Variants in ACMSD observed in about 807,000 individuals in gnomAD.
ACMSD encodes aminocarboxymuconate semialdehyde decarboxylase, also known as 2-amino-3-carboxymuconate-6-semialdehyde decarboxylase.
A neutral mutation model predicts 45.9 loss-of-function variants in ACMSD; 37 were observed. That is an observed-to-expected ratio of 0.81 (90% CI 0.62 to 1.06). ACMSD has a LOEUF of 1.06. Among genes scored for constraint, ACMSD ranks in the 50% least tolerant of loss-of-function variants. ACMSD has a pLI of 0.00. For synonymous variants in ACMSD, 138 were observed against 148.8 expected (o/e 0.93, Z 0.53); for missense variants, 434 against 420.9 (o/e 1.03, Z -0.27).
rs373043010 is a variant in ACMSD at position 134,863,640 on chromosome 2, C to T, written c.486+9C>T. Reference sequence around the variant, plus strand: ...TCTTTCCTGTCTATGCGGTGAGTAGCGGGGCTGCTCAGCCAACGCCAGCCG... The same window carrying T: ...TCTTTCCTGTCTATGCGGTGAGTAGTGGGGCTGCTCAGCCAACGCCAGCCG... On this transcript the variant is annotated intron_variant, in intron 5 of 9. Transcript: ENST00000356140. 1.2e-5 allele frequency: 20 copies of T among 1,613,008 alleles called. No homozygotes were observed. The highest frequency in any genetic ancestry group is 2.2e-5 in the South Asian group (2 of 91,036).
At chr2:134,901,114 A>C (rs1301069186) in intron 9 of ACMSD, among the ~76,000 whole-genome samples, 2 of 152,206 alleles carry the variant, frequency 1.3e-5, no homozygotes, top group African/African-American at 4.8e-5. Flanking sequence ...AGGACACATT[A>C]ATGGTATGGA....
intron 1 of ACMSD, among the ~76,000 whole-genome samples, chr2:134,840,194 C>CAAAAAAAAAAAAAAAAAAAAACA: frequency 1.5e-5 from 1 of 68,740 alleles, no homozygotes; most frequent in African/African-American, 6.0e-5. Flanking sequence ...AAAAAAAAAA[C>CAAAAAAAAAAAAAAAAAAAAACA]CACTAATTCC....
intron 2 of ACMSD, 24 bp downstream of exon 2, chr2:134,845,301 C>A: frequency 6.2e-7 from 1 of 1,613,994 alleles, no homozygotes; most frequent in Non-Finnish European, 8.5e-7. Flanking sequence ...AAAGTATGAA[C>A]ATCAGTAGCA....
At position 134,901,393 on chromosome 2, in the gene ACMSD, A is replaced by C. The variant is rs902369097; in HGVS notation, c.949-405A>C. Among the ~76,000 whole-genome samples the C allele has an allele frequency of 4.6e-5, 7 of 152,138 alleles. No homozygotes were observed. In the East Asian group the frequency reaches 5.8e-4, roughly 13 times the overall value. On this transcript the variant is annotated intron_variant, in intron 9 of 9. Transcript: ENST00000356140. ...TATTTAGGGCCATGTGAAAACAACA[A>C]CACATATGTCTAGCAGCTGGGGGAT...
chr2:134,866,390 C>G (rs929675901), intron 5 of ACMSD, among the ~76,000 whole-genome samples: 3 of 152,154 alleles, frequency 2.0e-5, no homozygotes, highest in African/African-American at 7.2e-5. Flanking sequence ...GACCATGCAC[C>G]TTTGCCAAAC....
intron 8 of ACMSD, among the ~76,000 whole-genome samples, chr2:134,888,865 A>G (rs1473205037): frequency 1.3e-5 from 2 of 152,158 alleles, no homozygotes; most frequent in African/African-American, 4.8e-5. Context: ...AATGACCAAG[A>G]AGGAGCATGA....
chr2:134,878,181 T>G (rs540721655), intron 8 of ACMSD, among the ~76,000 whole-genome samples: 24 of 152,320 alleles, frequency 1.6e-4, no homozygotes, highest in African/African-American at 5.5e-4. Context: ...ATAGGATACT[T>G]GCTATCCTTT....
intron 6 of ACMSD, among the ~76,000 whole-genome samples, chr2:134,870,744 CA>C (rs1054254193): frequency 3.9e-5 from 6 of 152,170 alleles, no homozygotes; most frequent in Admixed American, 2.0e-4. Flanking sequence ...TCTGGCTCCT[CA>C]ATCTCTCTAG....
chr2:134,860,856 CA>C (rs60233157), intron 3 of ACMSD, among the ~76,000 whole-genome samples: 892 of 72,450 alleles, frequency 0.012, 6 homozygotes, highest in African/African-American at 0.043. Context: ...CCTGTCTCCA[CA>C]AAAAAAAAAA....
At chr2:134,898,602 G>C (rs895235452) in intron 9 of ACMSD, among the ~76,000 whole-genome samples, 163 bp downstream of exon 9, 3 of 151,434 alleles carry the variant, frequency 2.0e-5, no homozygotes, top group Non-Finnish European at 4.4e-5. Flanking sequence ...ACTATTAAAG[G>C]ACAAAAAAAA....
At chr2:134,881,599 A>G (rs1689042777) in intron 8 of ACMSD, among the ~76,000 whole-genome samples, 1 of 152,214 alleles carries the variant, frequency 6.6e-6, no homozygotes, top group African/African-American at 2.4e-5. Flanking sequence ...GTGATCCAAA[A>G]GCACTGAAAA....
chr2:134,845,955 G>T lies in ACMSD; in HGVS notation c.102+678G>T, dbSNP rs562279558. Among the ~76,000 whole-genome samples the T allele has an allele frequency of 2.6e-5, 4 of 152,282 alleles. No individual in the cohort carries two copies. The East Asian group carries it at 7.7e-4, about 29-fold the overall frequency. On this transcript the variant is annotated intron_variant, in intron 2 of 9. Coordinates refer to ENST00000356140, the MANE Select transcript of ACMSD (RefSeq NM_138326.3). ...GACATGACTAATGCAGGCTCTGGAG[G>T]ACTTGTGGTCTGGAAATCTAGTTAA...
chr2:134,885,330 T>G (rs1210658509), intron 8 of ACMSD, among the ~76,000 whole-genome samples: 1 of 108,676 alleles, frequency 9.2e-6, no homozygotes, highest in East Asian at 2.3e-4. Flanking sequence ...AATATATATG[T>G]AAATATATAT....
rs10685496 is a variant in ACMSD, at chr2:134,869,205, C to CATTTATTT, written c.580+1551_580+1558dup. Reference sequence around the variant, plus strand: ...AAAACTCTGATAAGTCCCACAAGCTCATTTATTTATTTATTTATTTATTTA... The same window carrying CATTTATTT: ...AAAACTCTGATAAGTCCCACAAGCTCATTTATTTATTTATTTATTTATTTATTTATTTA... On this transcript the variant is annotated intron_variant, in intron 6 of 9. Transcript: ENST00000356140. Among the ~76,000 whole-genome samples, 1,389 of 149,534 alleles carry CATTTATTT rather than the reference C, an allele frequency of 9.3e-3. 17 individuals are homozygous for CATTTATTT. Among genetic ancestry groups the CATTTATTT allele is most frequent in the South Asian group, 0.04 (184 of 4,648 alleles).
intron 3 of ACMSD, among the ~76,000 whole-genome samples, chr2:134,860,495 A>G (rs1370891720): frequency 2.0e-5 from 3 of 152,208 alleles, no homozygotes; most frequent in Non-Finnish European, 4.4e-5. Flanking sequence ...TTCAACCAGA[A>G]AAGAAACAAT....
chr2:134,848,680 T>C (rs2104823212), intron 2 of ACMSD, among the ~76,000 whole-genome samples: 1 of 152,302 alleles, frequency 6.6e-6, no homozygotes, highest in African/African-American at 2.4e-5. Context: ...TATTAGCCCT[T>C]TGTCAGATGG....
chr2:134,872,695 C>A, intron 8 of ACMSD, 54 bp downstream of exon 8: 1 of 1,590,604 alleles, frequency 6.3e-7, no homozygotes, highest in Non-Finnish European at 8.6e-7. Context: ...GCTGCATCAG[C>A]AACCCATTCT....
chr2:134,839,377 T>A (rs1200476996), intron 1 of ACMSD, among the ~76,000 whole-genome samples: 1 of 152,212 alleles, frequency 6.6e-6, no homozygotes, highest in Non-Finnish European at 1.5e-5. Context: ...TTTGTGTTTC[T>A]CTAAAGATGG....
chr2:134,859,433 T>C (rs1687745293), intron 3 of ACMSD, 76 bp downstream of exon 3: 5 of 1,398,444 alleles, frequency 3.6e-6, no homozygotes, highest in Middle Eastern at 1.8e-4. Context: ...CTGACAACTT[T>C]ATGTGATGGT....
Sources: allele counts gnomAD v4.1 joint callset (sites outside exome capture counted in the v4.1 genomes callset), GRCh38; gene constraint gnomAD v4.1.1; transcripts MANE v1.5; gene names NCBI Gene and HGNC (gene_info 2026-07-23, HGNC 2026-07-21).